PARP9: variants seen among roughly 807,000 people sequenced by gnomAD.
PARP9 encodes the protein poly(ADP-ribose) polymerase family member 9, also known as protein mono-ADP-ribosyltransferase PARP9.
PARP9 carries 48 observed loss-of-function variants against 68.8 expected under a neutral mutation model. That is an observed-to-expected ratio of 0.70 (90% CI 0.55 to 0.89). The LOEUF (loss-of-function observed/expected upper bound fraction) is 0.89. Among genes scored for constraint, PARP9 ranks in the 40% least tolerant of loss-of-function variants. The pLI, the probability that PARP9 is intolerant of heterozygous loss-of-function variation, is 0.00. For synonymous variants in PARP9, 309 were observed against 333.8 expected (o/e 0.93, Z 0.81); for missense variants, 806 against 969.3 (o/e 0.83, Z 2.24).
chr3:122,528,389 A>C lies in PARP9; in HGVS notation c.2435T>G (p.Phe812Cys), dbSNP rs547793960. ...RPFAQHPWRGFASGSPVD is the reference protein window; with the variant it reads ...RPFAQHPWRGCASGSPVD ...TTAATCAACAGGGCTGCCACTTGCGAATCCCCTCCAAGGATGCTGTGCAAA... is the reference window on the plus strand; with the variant it reads ...TTAATCAACAGGGCTGCCACTTGCGCATCCCCTCCAAGGATGCTGTGCAAA... The change falls in exon 11 of 11, where the codon TTC (phenylalanine) becomes TGC (cysteine). Residue 812 changes from phenylalanine (F) to cysteine (C), a missense_variant. Around this residue, in one of 2 missense-constraint regions of PARP9, gnomAD observed 680 missense variants for 858.8 expected, o/e 0.79. Transcript: ENST00000682323. 1 of 1,613,806 alleles carries C rather than the reference A, an allele frequency of 6.2e-7. No individual in the cohort carries two copies. The highest frequency in any genetic ancestry group is 2.2e-5 in the East Asian group (1 of 44,882).
chr3:122,546,997 TATATATATATATATATAC>T lies in PARP9; in HGVS notation c.1327-1526_1327-1509del, dbSNP rs1452807983. On this transcript the variant is annotated intron_variant, in intron 6 of 10. Transcript: ENST00000682323. Reference sequence around the variant, plus strand: ...ATATATATATATATATATATATATATATATATATATATATATACACACACACACATACACACACATATA... The same window carrying T: ...ATATATATATATATATATATATATATACACACACACATACACACACATATA... 2.7e-4 allele frequency among the ~76,000 whole-genome samples: 26 copies of T among 94,826 alleles called. 1 individual carries two copies. The highest frequency in any genetic ancestry group is 4.3e-4 in the East Asian group (1 of 2,316). 62.2% of individuals were successfully genotyped at this position (94,826 alleles called of 152,430 possible). A position where few individuals can be genotyped will look rare whatever the true frequency, so the allele number is the denominator to read the frequency against.
intron 9 of PARP9, 82 bp downstream of exon 9, chr3:122,536,852 A>G: frequency 1.4e-6 from 2 of 1,473,238 alleles, no homozygotes; most frequent in South Asian, 2.7e-5. Flanking sequence ...TAGAATCATC[A>G]GCAGGTGAGC....
intron 5 of PARP9, among the ~76,000 whole-genome samples, chr3:122,551,132 G>A (rs2079167662): frequency 6.6e-6 from 1 of 152,124 alleles, no homozygotes; most frequent in Non-Finnish European, 1.5e-5. Context: ...CCCCTTCCAG[G>A]TCAACGTCAA....
At position 122,528,460 on chromosome 3, in the gene PARP9, C is replaced by T. The variant is rs368005526; in HGVS notation, c.2364G>A (p.Gln788=). Residue 788 remains glutamine, a synonymous_variant, in exon 11 of 11, where the codon CAG becomes CAA. Transcript: ENST00000682323. Reference sequence around the variant, plus strand: ...AGTAATCTTGTGACTGTACATATTCCTGGGTGCATGTCCACAAATACTGAG... The same window carrying T: ...AGTAATCTTGTGACTGTACATATTCTTGGGTGCATGTCCACAAATACTGAG... The part of the protein sequence containing the change: ...AIPQYLWTCT[Q]EYVQSQDYSS... 5.6e-6 allele frequency: 9 copies of T among 1,614,064 alleles called. No individual in the cohort carries two copies. In the African/African-American group the frequency reaches 1.2e-4, roughly 22 times the overall value.
At chr3:122,545,252 G>A (rs1013563994) in intron 7 of PARP9, among the ~76,000 whole-genome samples, 180 bp downstream of exon 7, 4 of 152,106 alleles carry the variant, frequency 2.6e-5, no homozygotes, top group Non-Finnish European at 4.4e-5. Context: ...CATGAAACTG[G>A]ACCAAGCAAG....
Position 122,552,398 on chromosome 3 carries a change from C to A in PARP9, c.1107+20G>T. The A allele has an allele frequency of 1.9e-6, 3 of 1,546,480 alleles. No individual in the cohort carries two copies. The highest frequency in any genetic ancestry group is 1.1e-5 in the South Asian group (1 of 88,260). On this transcript the variant is annotated intron_variant, in intron 5 of 10. Coordinates refer to ENST00000682323, the MANE Select transcript of PARP9 (RefSeq NM_001146105.2). ...TATAGACTATGGAGCTAAATAAAGC[C>A]ACATTTATTTTAAACTTACCTGAGG... is the stretch of plus-strand genomic sequence containing the variant.
In PARP9 at chr3:122,528,735, A is replaced by G. The variant is rs554390311; in HGVS notation, c.2089T>C (p.Tyr697His). The G allele has an allele frequency of 4.4e-6, 7 of 1,580,912 alleles. No individual in the cohort carries two copies. In the South Asian group the frequency reaches 8.1e-5, roughly 18 times the overall value. The part of the protein sequence containing the change: ...RMYSTPCDPK[Y>H]GAGIYFTKNL... ...TTGGTGAAGTATATGCCAGCTCCGTATTTTGGATCTGATAAAGGAAAAAAT... is the reference window on the plus strand; with the variant it reads ...TTGGTGAAGTATATGCCAGCTCCGTGTTTTGGATCTGATAAAGGAAAAAAT... The change falls in exon 11 of 11, where the codon TAC becomes CAC. Residue 697 changes from tyrosine (Y) to histidine (H), a missense_variant. This residue lies in a region of PARP9 where 680 missense variants were observed against 858.8 expected (regional missense o/e 0.79). Transcript: ENST00000682323.
At chr3:122,542,992 C>T (rs989163422) in intron 7 of PARP9, among the ~76,000 whole-genome samples, 3 of 152,062 alleles carry the variant, frequency 2.0e-5, no homozygotes, top group Admixed American at 6.5e-5. Context: ...CTGCAACCTC[C>T]GCCTCCTGGG....
chr3:122,535,061 C>G, intron 10 of PARP9: 2 of 982,784 alleles, frequency 2.0e-6, no homozygotes, highest in Non-Finnish European at 2.4e-6. Flanking sequence ...AAAGAGAATA[C>G]TCACTAGATT....
chr3:122,539,507 A>ATTTCTTTCTTCCTTTC (rs2077942906), intron 8 of PARP9, among the ~76,000 whole-genome samples: 1 of 133,162 alleles, frequency 7.5e-6, no homozygotes, highest in African/African-American at 2.9e-5. Flanking sequence ...CCAAGATGGC[A>ATTTCTTTCTTCCTTTC]TTTCTTTCTT....
chr3:122,562,138 C>A (rs1172919077), intron 1 of PARP9, among the ~76,000 whole-genome samples: 1 of 151,308 alleles, frequency 6.6e-6, no homozygotes, highest in African/African-American at 2.4e-5. Context: ...CAACTTTTGC[C>A]TGAGCTGTGG....
intron 8 of PARP9, among the ~76,000 whole-genome samples, chr3:122,537,640 T>C (rs2077751224): frequency 6.6e-6 from 1 of 152,206 alleles, no homozygotes; most frequent in Non-Finnish European, 1.5e-5. Flanking sequence ...CAAACCTGGC[T>C]TTCACCAATG....
chr3:122,558,789 C>A (rs1442760138), intron 2 of PARP9, among the ~76,000 whole-genome samples: 1 of 152,184 alleles, frequency 6.6e-6, no homozygotes, highest in African/African-American at 2.4e-5. Flanking sequence ...CAGTTCACTG[C>A]AGCCTTGAAC....
intron 1 of PARP9, among the ~76,000 whole-genome samples, chr3:122,560,850 T>C (rs1310793681): frequency 6.6e-6 from 1 of 152,052 alleles, no homozygotes; most frequent in Non-Finnish European, 1.5e-5. Context: ...GGCACTGCTG[T>C]TTTCAAAAAA....
intron 4 of PARP9, among the ~76,000 whole-genome samples, chr3:122,554,502 T>G (rs976742641): frequency 2.0e-5 from 3 of 152,188 alleles, no homozygotes; most frequent in African/African-American, 7.2e-5. Flanking sequence ...GTGCCTAAGA[T>G]AATAGCAACA....
intron 1 of PARP9, among the ~76,000 whole-genome samples, chr3:122,561,721 A>G (rs1262491209): frequency 6.6e-6 from 1 of 151,928 alleles, no homozygotes; most frequent in Admixed American, 6.6e-5. Flanking sequence ...GGCGTTTTTC[A>G]TCTCATTCTG....
chr3:122,552,711 T>G, intron 4 of PARP9, 72 bp from the exon 5 acceptor site: 1 of 1,147,358 alleles, frequency 8.7e-7, no homozygotes, highest in Non-Finnish European at 1.3e-6. Flanking sequence ...AAATCTTTAC[T>G]TCCCTGAAGA....
chr3:122,552,694 C>T, intron 4 of PARP9, 55 bp from the exon 5 acceptor site: 1 of 1,326,754 alleles, frequency 7.5e-7, no homozygotes, highest in Non-Finnish European at 1.1e-6. Flanking sequence ...TCTTAAATGA[C>T]TAATTTAAAT....
At position 122,528,199 on chromosome 3, in the gene PARP9, A is replaced by G. The variant is rs1025338821; in HGVS notation, c.*165T>C. 3.6e-6 allele frequency: 3 copies of G among 836,802 alleles called. No homozygotes were observed. The highest frequency in any genetic ancestry group is 5.4e-6 in the Non-Finnish European group (3 of 550,486). The allele number at this position is 836,802 out of a possible 1,614,324, so 51.8% of individuals were successfully genotyped here. ...CCAACCCCAAGACATAAAGACAGAT[A>G]AAGGCACTAAGATGCTAGTATGTGG... On this transcript the variant is annotated 3_prime_UTR_variant, in exon 11 of 11. Transcript: ENST00000682323.
Sources: allele counts gnomAD v4.1 joint callset (sites outside exome capture counted in the v4.1 genomes callset), GRCh38; gene constraint gnomAD v4.1.1; regional missense constraint gnomAD v4.1.1; transcripts MANE v1.5; gene names NCBI Gene and HGNC (gene_info 2026-07-23, HGNC 2026-07-21).